The following KSR1 variants were observed in gnomAD, a reference collection of about 807,000 sequenced individuals.
KSR1 encodes kinase suppressor of ras.
Under a neutral mutation model 92.9 loss-of-function variants are expected in KSR1, and 35 were observed. The observed-to-expected ratio is 0.38, with a 90% CI of 0.29 to 0.50. The LOEUF (loss-of-function observed/expected upper bound fraction) is 0.50, where lower values mean the gene tolerates loss of function less well. Among genes scored for constraint, KSR1 ranks in the 20% least tolerant of loss-of-function variants. The probability of loss-of-function intolerance (pLI) is 0.94; values close to 1 mark genes in which losing one functional copy is unlikely to be tolerated. For missense variants in KSR1, 972 were observed against 1,158.5 expected, an observed-to-expected ratio of 0.84 and a Z score of 2.34; for synonymous variants, 467 against 472.6, an observed-to-expected ratio of 0.99 and a Z score of 0.15.
At chr17:27,483,583 C>CAAAAAAAAAAAAAAA (rs533089502) in intron 1 of KSR1, 1 of 86,324 alleles carries the variant, frequency 1.2e-5, no homozygotes, top group Non-Finnish European at 2.5e-5. Context: ...GCGAAATTCT[C>CAAAAAAAAAAAAAAA]AAAAAAAAAA....
rs2071370194 is a variant in KSR1 at position 27,550,776 on chromosome 17, C to T, written c.372+68C>T. On this transcript the variant is annotated intron_variant, in intron 2 of 20. Transcript: ENST00000644974. ...CAAGCAGAGGGAACACACACAAACC[C>T]GAGGGCTAGCTTCCCCGTGGCTAAG... 1.8e-4 allele frequency: 127 copies of T among 720,096 alleles called. 1 individual carries two copies. Among genetic ancestry groups the T allele is most frequent in the South Asian group, 1.7e-3 (125 of 71,994 alleles). 44.6% of individuals were successfully genotyped at this position (720,096 alleles called of 1,614,324 possible). A position where few individuals can be genotyped will look rare whatever the true frequency, so the allele number is the denominator to read the frequency against.
intron 1 of KSR1, among the ~76,000 whole-genome samples, chr17:27,457,407 T>C (rs1044627497): frequency 6.6e-6 from 1 of 152,222 alleles, no homozygotes; most frequent in African/African-American, 2.4e-5. Flanking sequence ...AACTGCATTT[T>C]TGTTATTCAG....
intron 1 of KSR1, chr17:27,526,623 C>G (rs2070309725): frequency 6.4e-7 from 1 of 1,571,198 alleles, no homozygotes; most frequent in African/African-American, 1.4e-5. Context: ...GTTCAGTCCT[C>G]GTGCATCTTT....
chr17:27,561,772 C>T (rs1255708430), intron 2 of KSR1, among the ~76,000 whole-genome samples: 2 of 152,132 alleles, frequency 1.3e-5, no homozygotes, highest in African/African-American at 4.8e-5. Flanking sequence ...TGGGGGTTCC[C>T]CTGGTTTCAT....
intron 1 of KSR1, among the ~76,000 whole-genome samples, chr17:27,479,925 G>T (rs2068462687): frequency 6.6e-6 from 1 of 152,160 alleles, no homozygotes; most frequent in South Asian, 2.1e-4. Flanking sequence ...ATTCTCTCGG[G>T]TGTGTGTGAA....
chr17:27,518,619 G>A (rs1194295119), intron 1 of KSR1, among the ~76,000 whole-genome samples: 2 of 152,144 alleles, frequency 1.3e-5, no homozygotes, highest in East Asian at 3.9e-4. Flanking sequence ...TGGGTCGGTG[G>A]ACATCTATGT....
At chr17:27,539,547 C>T (rs766973621) in intron 1 of KSR1, among the ~76,000 whole-genome samples, 65 of 152,192 alleles carry the variant, frequency 4.3e-4, no homozygotes, top group Non-Finnish European at 6.9e-4. Flanking sequence ...CTGCCGCTTA[C>T]GACCGTTGTC....
intron 2 of KSR1, among the ~76,000 whole-genome samples, chr17:27,564,280 C>T (rs980326900): frequency 1.8e-4 from 28 of 152,282 alleles, no homozygotes; most frequent in Admixed American, 4.6e-4. Flanking sequence ...CGTGAGCCCC[C>T]GCACCTGGCC....
Position 27,459,205 on chromosome 17 carries a change from G to T in KSR1, c.231+2331G>T, listed in dbSNP as rs1423316826. ...TCAAGCTCTCCTGTCTGTAAAATAG[G>T]AACGAGACTGCTCACACCTGCAGCA... On this transcript the variant is annotated intron_variant, in intron 1 of 20. Transcript: ENST00000644974. This position sits in a 1 kb window ranked among gnomAD's most constrained non-coding sequence, Gnocchi z 4.6. 6.6e-6 allele frequency among the ~76,000 whole-genome samples: 1 copy of T among 152,148 alleles called. No homozygotes were observed. Among genetic ancestry groups the T allele is most frequent in the Admixed American group, 6.5e-5 (1 of 15,276 alleles).
intron 1 of KSR1, among the ~76,000 whole-genome samples, chr17:27,532,211 T>C (rs2070567649): frequency 6.6e-6 from 1 of 152,234 alleles, no homozygotes; most frequent in Admixed American, 6.5e-5. Flanking sequence ...TCCTCACTGG[T>C]TGACGTGGTC....
intron 1 of KSR1, among the ~76,000 whole-genome samples, chr17:27,466,855 T>C (rs1278290162): frequency 6.6e-6 from 1 of 152,226 alleles, no homozygotes; most frequent in Non-Finnish European, 1.5e-5. Flanking sequence ...TGCCTGAGGT[T>C]TCAGAAAGAG....
chr17:27,590,669 C>T, intron 6 of KSR1, 142 bp from the exon 7 acceptor site: 2 of 676,664 alleles, frequency 3.0e-6, no homozygotes, highest in Non-Finnish European at 5.1e-6. Flanking sequence ...GTGGGTATCT[C>T]TGTCCTCTCT....
chr17:27,586,605 C>G (rs1295630347), intron 5 of KSR1, among the ~76,000 whole-genome samples: 2 of 152,200 alleles, frequency 1.3e-5, no homozygotes, highest in Non-Finnish European at 2.9e-5. Context: ...ACATTCAACA[C>G]CCCCATCTCT....
chr17:27,583,343 G>C (rs1477914908), intron 4 of KSR1, among the ~76,000 whole-genome samples: 20 of 152,232 alleles, frequency 1.3e-4, no homozygotes, highest in Admixed American at 1.3e-3. Flanking sequence ...TATGGGTCAG[G>C]GTAGGCCAGG....
intron 1 of KSR1, among the ~76,000 whole-genome samples, chr17:27,535,121 A>G (rs1314336064): frequency 2.0e-5 from 3 of 151,802 alleles, no homozygotes; most frequent in African/African-American, 7.3e-5. Flanking sequence ...GTTTTAATCT[A>G]TGAATTTAAA....
chr17:27,500,497 G>A (rs1329563920), intron 1 of KSR1, among the ~76,000 whole-genome samples: 1 of 152,196 alleles, frequency 6.6e-6, no homozygotes, highest in Non-Finnish European at 1.5e-5. Context: ...AGCAATACAG[G>A]TTTGATGCTT....
At chr17:27,486,755 G>A (rs1396806954) in intron 1 of KSR1, among the ~76,000 whole-genome samples, 1 of 152,186 alleles carries the variant, frequency 6.6e-6, no homozygotes. Flanking sequence ...AAGCAAGGCG[G>A]GTGGTTTGGG....
intron 3 of KSR1, 35 bp from the exon 4 acceptor site, chr17:27,582,611 C>T: frequency 6.4e-7 from 1 of 1,566,996 alleles, no homozygotes; most frequent in Non-Finnish European, 8.7e-7. Flanking sequence ...TCCTTCCAGC[C>T]CTGACCATCT....
chr17:27,541,416 G>A (rs1367229578), intron 1 of KSR1, among the ~76,000 whole-genome samples: 3 of 152,236 alleles, frequency 2.0e-5, no homozygotes, highest in Admixed American at 6.5e-5. Flanking sequence ...AGCCAGGGGT[G>A]GGGTACAGCC....
Sources: gnomAD v4.1 joint callset for allele counts (sites outside exome capture counted in the v4.1 genomes callset) on GRCh38, gnomAD v4.1.1 for gene constraint, Gnocchi (gnomAD v3.1) non-coding constraint, MANE v1.5 for transcripts, NCBI Gene and HGNC (gene_info 2026-07-23, HGNC 2026-07-21) for gene names.